DISC1: variants seen among roughly 807,000 people sequenced by gnomAD.
DISC1 encodes the protein DISC1 scaffold protein.
In DISC1, 57 loss-of-function variants were observed where a neutral mutation model predicts 84.5. That is an observed-to-expected ratio of 0.67 (90% CI 0.55 to 0.84). The LOEUF (loss-of-function observed/expected upper bound fraction) is 0.84, where lower values mean the gene tolerates loss of function less well. Among genes scored for constraint, DISC1 ranks in the 40% least tolerant of loss-of-function variants. The pLI, the probability that DISC1 is intolerant of heterozygous loss-of-function variation, is 0.00. For synonymous variants in DISC1, 411 were observed against 415.2 expected (o/e 0.99, Z 0.12); for missense variants, 1,000 against 1,057.8 (o/e 0.95, Z 0.76).
rs368613488 is a variant in DISC1, at chr1:231,958,477, A to G, written c.1982-351A>G. On this transcript the variant is annotated intron_variant, in intron 9 of 12. Coordinates refer to ENST00000439617, the MANE Select transcript of DISC1 (RefSeq NM_018662.3). The stretch of plus-strand genomic sequence containing the variant: ...ACACTGTCAGGTTCTCTTTCCCTGT[A>G]TTGGACAACCGAGCCAATGGCTATC... Among the ~76,000 whole-genome samples, 18 of 152,300 alleles carry G rather than the reference A, an allele frequency of 1.2e-4. No individual in the cohort carries two copies. In the South Asian group the frequency reaches 2.3e-3, roughly 19 times the overall value.
rs561387685 is a variant in DISC1, at chr1:231,995,447, G to A, written c.2043-13338G>A. 5.4e-4 allele frequency among the ~76,000 whole-genome samples: 81 copies of A among 151,334 alleles called. 1 individual carries two copies. In the Middle Eastern group the frequency reaches 0.014, roughly 26 times the overall value. On this transcript the variant is annotated intron_variant, in intron 10 of 12. Coordinates refer to ENST00000439617, the MANE Select transcript of DISC1 (RefSeq NM_018662.3). ...GCTGGTGTGCTGCACCCATTAACTC[G>A]TCATTTAGCATTAGGTATATCTCCT...
chr1:231,873,128 G>C (rs546986801), intron 9 of DISC1, among the ~76,000 whole-genome samples: 1 of 152,266 alleles, frequency 6.6e-6, no homozygotes, highest in Non-Finnish European at 1.5e-5. Context: ...CACAAGCACC[G>C]ACTCTGCACT....
At chr1:231,942,330 A>G (rs552110567) in intron 9 of DISC1, among the ~76,000 whole-genome samples, 13 of 152,120 alleles carry the variant, frequency 8.5e-5, no homozygotes, top group East Asian at 1.9e-4. Context: ...TGTGCATTCA[A>G]CCTTCTCTAT....
chr1:231,773,354 T>C (rs2076698958), intron 6 of DISC1, among the ~76,000 whole-genome samples: 2 of 152,128 alleles, frequency 1.3e-5, no homozygotes, highest in African/African-American at 4.8e-5. Context: ...CTGAGTAATC[T>C]AGTGCTTTGA....
At position 231,915,521 on chromosome 1, in the gene DISC1, C is replaced by T. The variant is rs550604302; in HGVS notation, c.1982-43307C>T. Reference sequence around the variant, plus strand: ...CTTGTGGGCCAGGCGCAGTGGCTCACGCCTATAATCCCAGCACTTTGGGAG... The same window carrying T: ...CTTGTGGGCCAGGCGCAGTGGCTCATGCCTATAATCCCAGCACTTTGGGAG... On this transcript the variant is annotated intron_variant, in intron 9 of 12. Transcript: ENST00000439617. 5.3e-5 allele frequency among the ~76,000 whole-genome samples: 8 copies of T among 152,282 alleles called. No individual in the cohort carries two copies. The East Asian group carries it at 1.4e-3, about 26-fold the overall frequency.
chr1:231,996,449 C>A (rs577470662), intron 10 of DISC1, among the ~76,000 whole-genome samples: 1 of 152,120 alleles, frequency 6.6e-6, no homozygotes, highest in East Asian at 1.9e-4. Context: ...TGCCTAGGTT[C>A]TCTTCTAGGG....
intron 10 of DISC1, among the ~76,000 whole-genome samples, chr1:231,970,987 A>G (rs1661874170): frequency 6.6e-6 from 1 of 152,236 alleles, no homozygotes; most frequent in African/African-American, 2.4e-5. Context: ...GGTTATATCC[A>G]TGGTGCTCTA....
chr1:231,746,955 G>GTC (rs965357117), intron 3 of DISC1, among the ~76,000 whole-genome samples: 17 of 152,104 alleles, frequency 1.1e-4, no homozygotes, highest in Admixed American at 3.9e-4. Context: ...TTGAGAAAGG[G>GTC]TCTCACTCTA....
At chr1:231,885,056 G>T (rs200464910) in intron 9 of DISC1, among the ~76,000 whole-genome samples, 38 of 152,168 alleles carry the variant, frequency 2.5e-4, no homozygotes, top group Non-Finnish European at 4.4e-4. Flanking sequence ...TGAAACAGAG[G>T]GAAAGGCAGC....
intron 4 of DISC1, among the ~76,000 whole-genome samples, chr1:231,758,020 C>T (rs1387140721): frequency 4.6e-5 from 7 of 151,950 alleles, no homozygotes; most frequent in African/African-American, 9.7e-5. Context: ...GGATAATGCC[C>T]CAGCCTACCC....
chr1:231,851,678 G>C (rs2083907683), intron 9 of DISC1, among the ~76,000 whole-genome samples: 1 of 152,154 alleles, frequency 6.6e-6, no homozygotes, highest in Admixed American at 6.5e-5. Context: ...TCGTCATGGA[G>C]CATCTCACAT....
At position 232,009,460 on chromosome 1, in the gene DISC1, AT is replaced by A; in HGVS notation, c.2307+412del. On this transcript the variant is annotated intron_variant, in intron 11 of 12. Coordinates refer to ENST00000439617, the MANE Select transcript of DISC1 (RefSeq NM_018662.3). The surrounding 1 kb of genome is among the most constrained non-coding windows in gnomAD (Gnocchi z 4.6). ...GTATTGTATGTCATATATGATGTTT[AT>A]ATATTTAGAATCTATATATTACAAT... 3.3e-6 allele frequency: 2 copies of A among 607,304 alleles called. No individual in the cohort carries two copies. Among genetic ancestry groups the A allele is most frequent in the Non-Finnish European group, 4.1e-6 (2 of 488,084 alleles). The allele number at this position is 607,304 out of a possible 1,614,324, so 37.6% of individuals were successfully genotyped here.
At chr1:231,917,782 C>T (rs1432610726) in intron 9 of DISC1, among the ~76,000 whole-genome samples, 1 of 152,232 alleles carries the variant, frequency 6.6e-6, no homozygotes. Context: ...TGGACATGGA[C>T]TATAATCTAG....
chr1:231,888,895 G>C (rs1312148494), intron 9 of DISC1, among the ~76,000 whole-genome samples: 1 of 152,038 alleles, frequency 6.6e-6, no homozygotes, highest in African/African-American at 2.4e-5. Flanking sequence ...CCTGAGTTTT[G>C]GTTTAAAAGA....
chr1:231,633,969 C>T (rs1295944858), intron 1 of DISC1, among the ~76,000 whole-genome samples: 5 of 151,416 alleles, frequency 3.3e-5, no homozygotes, highest in African/African-American at 7.3e-5. Flanking sequence ...CTGCAACCTC[C>T]GCCTCCCAGG....
Position 231,817,729 on chromosome 1 carries a change from G to A in DISC1, c.1793-600G>A, listed in dbSNP as rs147869284. Among the ~76,000 whole-genome samples the A allele has an allele frequency of 7.1e-3, 1,074 of 152,182 alleles. 13 individuals carry two copies. The highest frequency in any genetic ancestry group is 0.024 in the African/African-American group (1,011 of 41,520). On this transcript the variant is annotated intron_variant, in intron 8 of 12. Coordinates refer to ENST00000439617, the MANE Select transcript of DISC1 (RefSeq NM_018662.3). ...AGATTGATGTTTGTACATTGACCTT[G>A]TATCCTGCAATCTTGCTACATTTAA...
chr1:231,704,677 G>A (rs1189634785), intron 3 of DISC1, among the ~76,000 whole-genome samples: 5 of 147,938 alleles, frequency 3.4e-5, no homozygotes, highest in African/African-American at 2.5e-5. Flanking sequence ...GGAGAATGGC[G>A]TGAACCCAGG....
rs1055060913 is a variant in DISC1, at chr1:231,897,238, C to T, written c.1982-61590C>T. On this transcript the variant is annotated intron_variant, in intron 9 of 12. Coordinates refer to ENST00000439617, the MANE Select transcript of DISC1 (RefSeq NM_018662.3). This position sits in a 1 kb window ranked among gnomAD's most constrained non-coding sequence, Gnocchi z 4.5. The stretch of plus-strand genomic sequence containing the variant: ...GGGAGGACATATTGCAGCCAAACCT[C>T]GGTGAACTGACTTGGGTACGCTTCT... Among the ~76,000 whole-genome samples the T allele has an allele frequency of 2.6e-5, 4 of 152,200 alleles. No individual in the cohort carries two copies. The highest frequency in any genetic ancestry group is 4.8e-5 in the African/African-American group (2 of 41,448).
intron 9 of DISC1, among the ~76,000 whole-genome samples, chr1:231,920,036 C>A (rs918753437): frequency 6.6e-6 from 1 of 152,088 alleles, no homozygotes; most frequent in Non-Finnish European, 1.5e-5. Context: ...TCCCGCGCAT[C>A]GTAAGAGGTT....
Sources: gnomAD v4.1 joint callset for allele counts (sites outside exome capture counted in the v4.1 genomes callset) on GRCh38, gnomAD v4.1.1 for gene constraint, Gnocchi (gnomAD v3.1) non-coding constraint, MANE v1.5 for transcripts, NCBI Gene and HGNC (gene_info 2026-07-23, HGNC 2026-07-21) for gene names.